Variants in PTPRH observed in about 807,000 individuals in gnomAD.
PTPRH encodes protein tyrosine phosphatase receptor type H.
Under a neutral mutation model 130.2 loss-of-function variants are expected in PTPRH, and 113 were observed. The observed-to-expected ratio is 0.87, with a 90% confidence interval of 0.75 to 1.01. The LOEUF is 1.01. PTPRH is among the 50% of genes least tolerant of loss of function. The pLI, the probability that PTPRH is intolerant of heterozygous loss-of-function variation, is 0.00. For missense variants in PTPRH, 1,430 were observed against 1,425.0 expected, an observed-to-expected ratio of 1.00 and a Z score of -0.06; for synonymous variants, 556 against 577.9, an observed-to-expected ratio of 0.96 and a Z score of 0.54.
intron 16 of PTPRH, 83 bp from the exon 17 acceptor site, chr19:55,186,067 G>C: frequency 6.2e-7 from 1 of 1,603,818 alleles, no homozygotes; most frequent in Non-Finnish European, 8.5e-7. Context: ...ATGTGAACCA[G>C]CAGATGGGCT....
chr19:55,200,143 A>G, intron 7 of PTPRH, 93 bp downstream of exon 7: 4 of 1,400,176 alleles, frequency 2.9e-6, no homozygotes, highest in Non-Finnish European at 3.9e-6. Context: ...GAGCCTACGG[A>G]CTACAGAGCC....
In PTPRH at chr19:55,209,288, A is replaced by G. The variant is rs539682914; in HGVS notation, c.51+95T>C. ...CTTCTCCAGGGGATCTTCAGCACCTACTTCCTCAAGATCGAGGTGCAGGCA... is the reference window on the plus strand; with the variant it reads ...CTTCTCCAGGGGATCTTCAGCACCTGCTTCCTCAAGATCGAGGTGCAGGCA... On this transcript the variant is annotated intron_variant, in intron 1 of 19. Transcript: ENST00000376350. The surrounding 1 kb of genome is among the most constrained non-coding windows in gnomAD (Gnocchi z 4.1). 9.3e-6 allele frequency: 10 copies of G among 1,070,838 alleles called. No homozygotes were observed. The South Asian group carries it at 1.3e-4, about 14-fold the overall frequency. The allele number at this position is 1,070,838 out of a possible 1,614,324, so 66.3% of individuals were successfully genotyped here. A position where few individuals can be genotyped will look rare whatever the true frequency, so the allele number is the denominator to read the frequency against.
intron 16 of PTPRH, 118 bp from the exon 17 acceptor site, chr19:55,186,102 A>G: frequency 6.3e-7 from 1 of 1,579,628 alleles, no homozygotes; most frequent in Non-Finnish European, 8.6e-7. Context: ...GAACAGGTCT[A>G]CACTGAAGAC....
chr19:55,196,489 T>C (rs1271794824), intron 10 of PTPRH, 33 bp downstream of exon 10: 7 of 1,588,028 alleles, frequency 4.4e-6, no homozygotes, highest in Non-Finnish European at 6.0e-6. Context: ...GAGAATTTCA[T>C]CATAGCTGGC....
At position 55,200,278 on chromosome 19, in the gene PTPRH, T is replaced by C. The variant is rs1335627110; in HGVS notation, c.1378A>G (p.Asn460Asp). The change falls in exon 7 of 20, where the codon AAT becomes GAT. Residue 460 changes from asparagine (N) to aspartate (D), a missense_variant. Physicochemically the swap from Asn to Asp is conservative, Grantham distance 23. Transcript: ENST00000376350. ...LYTFSVWAEKNGARGSRQNVS... is the reference protein window; with the variant it reads ...LYTFSVWAEKDGARGSRQNVS... ...TTCTGCCTGGAGCCACGTGCTCCAT[T>C]TTTTTCTGCCCATACAGAGAATGTG... 1 of 1,614,210 alleles carries C rather than the reference T, an allele frequency of 6.2e-7. No homozygotes were observed. The highest frequency in any genetic ancestry group is 1.1e-5 in the South Asian group (1 of 91,084).
At chr19:55,199,643 AGAAG>A (rs1341909431) in intron 7 of PTPRH, among the ~76,000 whole-genome samples, 2 of 151,142 alleles carry the variant, frequency 1.3e-5, no homozygotes, top group South Asian at 2.1e-4. Context: ...AAGAAAAGAA[AGAAG>A]GAAGGAAGGA....
Position 55,191,622 on chromosome 19 carries a change from G to A in PTPRH, c.2336+41C>T, listed in dbSNP as rs751197260. On this transcript the variant is annotated intron_variant, in intron 11 of 19. Coordinates refer to ENST00000376350, the MANE Select transcript of PTPRH (RefSeq NM_002842.5). ...CAGCGGTCCTCCTCCTTCTTCTCCA[G>A]CCCCCACCCTCCAGGCGGTCAGCCC... 16 of 1,611,806 alleles carry A rather than the reference G, an allele frequency of 9.9e-6. 1 individual carries two copies. The South Asian group carries it at 1.6e-4, about 17-fold the overall frequency.
In PTPRH at chr19:55,188,077, C is replaced by A; in HGVS notation, c.2475+1G>T. On this transcript the variant is annotated splice_donor_variant, in intron 13 of 19. Transcript: ENST00000376350. LOFTEE classifies it high-confidence loss of function. Reference sequence around the variant, plus strand: ...GCTCAGCCCCTCTGTCCTCTCCCCACCTGGTACTCGTCTGCAAAACCACAG... The same window carrying A: ...GCTCAGCCCCTCTGTCCTCTCCCCAACTGGTACTCGTCTGCAAAACCACAG... 1 of 1,613,524 alleles carries A rather than the reference C, an allele frequency of 6.2e-7. No individual in the cohort carries two copies.
At chr19:55,198,504 C>T (rs1568914145) in intron 8 of PTPRH, 139 bp downstream of exon 8, 1 of 881,928 alleles carries the variant, frequency 1.1e-6, no homozygotes, top group Non-Finnish European at 1.6e-6. Context: ...AGGAACGGGA[C>T]CTACAGGTTT....
chr19:55,196,934 G>C, intron 9 of PTPRH, 146 bp from the exon 10 acceptor site: 1 of 1,238,980 alleles, frequency 8.1e-7, no homozygotes. Context: ...TGTCCTCCCC[G>C]AATGGACACA....
intron 10 of PTPRH, among the ~76,000 whole-genome samples, chr19:55,192,816 G>T (rs1390261125): frequency 6.6e-6 from 1 of 151,840 alleles, no homozygotes; most frequent in Non-Finnish European, 1.5e-5. Flanking sequence ...CTCCCAAAGT[G>T]CTGGGATTAT....
chr19:55,190,545 TATATAATATATTATATATATAAC>T (rs920486104), intron 12 of PTPRH, among the ~76,000 whole-genome samples: 1 of 135,534 alleles, frequency 7.4e-6, no homozygotes, highest in Non-Finnish European at 1.5e-5. Context: ...ATATATATAA[TATATAATATATTATATATATAAC>T]ATATAATATA....
chr19:55,200,496 T>C lies in PTPRH; in HGVS notation c.1160A>G (p.Asn387Ser), dbSNP rs144851892. Residue 387 changes from asparagine (N) to serine (S), a missense_variant, in exon 7 of 20, where the codon AAC (asparagine) becomes AGC (serine). Coordinates refer to ENST00000376350, the MANE Select transcript of PTPRH (RefSeq NM_002842.5). The stretch of plus-strand genomic sequence containing the variant: ...CTCCATATGGAGGTTTCTCACTGGG[T>C]TGGGGGCTGAGAAAGTAGGAAGAAG... Reference protein sequence around the residue: ...RETRNATTAPNPVRNLHMETQ... With the variant: ...RETRNATTAPSPVRNLHMETQ... The C allele has an allele frequency of 1.1e-5, 17 of 1,613,666 alleles. No individual in the cohort carries two copies. The highest frequency in any genetic ancestry group is 1.4e-5 in the Non-Finnish European group (17 of 1,179,914).
intron 10 of PTPRH, among the ~76,000 whole-genome samples, chr19:55,192,654 C>A: frequency 6.6e-6 from 1 of 150,876 alleles, no homozygotes; most frequent in Non-Finnish European, 1.5e-5. Context: ...CGGGTTCACG[C>A]CATTCTCCTG....
At position 55,202,630 on chromosome 19, in the gene PTPRH, T is replaced by A. The variant is rs544655752; in HGVS notation, c.887-308A>T. On this transcript the variant is annotated intron_variant, in intron 5 of 19. Transcript: ENST00000376350. Reference sequence around the variant, plus strand: ...ACACACATATATATACACATACACATATATATACACACACATATATATACA... The same window carrying A: ...ACACACATATATATACACATACACAAATATATACACACACATATATATACA... Among the ~76,000 whole-genome samples the A allele has an allele frequency of 2.0e-5, 3 of 152,044 alleles. No individual in the cohort carries two copies. The East Asian group carries it at 5.8e-4, about 29-fold the overall frequency.
rs560429781 is a variant in PTPRH at position 55,207,066 on chromosome 19, A to G, written c.85+100T>C. 4.3e-5 allele frequency: 67 copies of G among 1,575,306 alleles called. No homozygotes were observed. In the African/African-American group the frequency reaches 7.4e-4, roughly 18 times the overall value. ...GAAACAACGGCGCTCATAAACCCCT[A>G]CCATGGACCACTGGACCCCACGGGG... is the stretch of plus-strand genomic sequence containing the variant. On this transcript the variant is annotated intron_variant, in intron 2 of 19. Coordinates refer to ENST00000376350, the MANE Select transcript of PTPRH (RefSeq NM_002842.5).
chr19:55,183,678 C>A (rs552586633), intron 18 of PTPRH, among the ~76,000 whole-genome samples: 8 of 151,876 alleles, frequency 5.3e-5, no homozygotes, highest in Non-Finnish European at 8.8e-5. Flanking sequence ...GAGCGGAGAT[C>A]GCACCGTTGC....
chr19:55,203,301 T>C (rs1438598694), intron 5 of PTPRH, among the ~76,000 whole-genome samples: 1 of 124,090 alleles, frequency 8.1e-6, no homozygotes, highest in African/African-American at 3.2e-5. Context: ...CACTCCAGCC[T>C]GGGCGACAGA....
rs1328320568 is a variant in PTPRH at position 55,206,894 on chromosome 19, G to T, written c.147C>A (p.Ser49Arg). The change falls in exon 3 of 20, where the codon AGC becomes AGA. Residue 49 changes from serine (S) to arginine (R), a missense_variant. Physicochemically the swap from Ser to Arg is moderately radical, Grantham distance 110 (BLOSUM62 -1). Transcript: ENST00000376350. ...ETQTTSSISLSWEVPDGLDSQ... is the reference protein window; with the variant it reads ...ETQTTSSISLRWEVPDGLDSQ... ...AGTCTAGGCCATCGGGGACCTCCCA[G>T]CTCAGGGAGATGGAGCTGGTGGTCT... 1 of 1,613,184 alleles carries T rather than the reference G, an allele frequency of 6.2e-7. No homozygotes were observed. The highest frequency in any genetic ancestry group is 8.5e-7 in the Non-Finnish European group (1 of 1,179,262).
Sources: gnomAD v4.1 joint callset for allele counts (sites outside exome capture counted in the v4.1 genomes callset) on GRCh38, gnomAD v4.1.1 for gene constraint, Gnocchi (gnomAD v3.1) non-coding constraint, MANE v1.5 for transcripts, NCBI Gene and HGNC (gene_info 2026-07-23, HGNC 2026-07-21) for gene names.